Variants in ATF2 observed in about 807,000 individuals in gnomAD.
ATF2 encodes the protein cyclic AMP-dependent transcription factor ATF-2.
In ATF2, 24 loss-of-function variants were observed where a neutral mutation model predicts 60.6. The ratio of observed to expected loss-of-function variants is 0.40; its 90% confidence interval spans 0.29 to 0.56. ATF2 has a LOEUF of 0.56. ATF2 is among the 20% of genes least tolerant of loss of function. The pLI is 0.54. For missense variants in ATF2, 433 were observed against 607.7 expected (o/e 0.71, Z 3.02); for synonymous variants, 206 against 215.4 (o/e 0.96, Z 0.38).
chr2:175,096,024 A>C (rs1228172355), intron 11 of ATF2, among the ~76,000 whole-genome samples: 2 of 152,172 alleles, frequency 1.3e-5, no homozygotes, highest in African/African-American at 4.8e-5. Context: ...CCACAACTAC[A>C]TTTCATTATA....
intron 2 of ATF2, among the ~76,000 whole-genome samples, chr2:175,137,380 A>G (rs1034570413): frequency 6.6e-6 from 1 of 152,166 alleles, no homozygotes; most frequent in Non-Finnish European, 1.5e-5. Flanking sequence ...GAAAAATCCA[A>G]GGAAATCTGT....
rs376278289 is a variant in ATF2 at position 175,114,880 on chromosome 2, T to C, written c.448-12A>G. 4.2e-5 allele frequency: 68 copies of C among 1,604,354 alleles called. No individual in the cohort carries two copies. The highest frequency in any genetic ancestry group is 1.9e-4 in the African/African-American group (14 of 74,644). On this transcript the variant is annotated splice_polypyrimidine_tract_variant and intron_variant, in intron 7 of 13. Coordinates refer to ENST00000264110, the MANE Select transcript of ATF2 (RefSeq NM_001880.4). ...GCCAATGGTACTTCCTATTTAACAATGAGATAAAAAAGGGTGGCATTTAAA... is the reference window on the plus strand; with the variant it reads ...GCCAATGGTACTTCCTATTTAACAACGAGATAAAAAAGGGTGGCATTTAAA...
rs180861958 is a variant in ATF2, at chr2:175,093,238, G to A, written c.1008C>T (p.Thr336=). 25 of 1,613,914 alleles carry A rather than the reference G, an allele frequency of 1.5e-5. No individual in the cohort carries two copies. In the East Asian group the frequency reaches 4.9e-4, roughly 32 times the overall value. ...PASPAHTTPQ[T]QSTSGRRRRA... is the part of the protein sequence containing the mutation. ...TTCTCCGACGACCACTTGTACTTTG[G>A]GTCTGTGGAGTTGTGTGAGCTGGAG... Residue 336 remains threonine, a synonymous_variant, in exon 12 of 14, where the codon ACC becomes ACT. Transcript: ENST00000264110.
At chr2:175,152,352 C>G (rs904647682) in intron 1 of ATF2, among the ~76,000 whole-genome samples, 107 of 152,074 alleles carry the variant, frequency 7.0e-4, no homozygotes, top group Non-Finnish European at 8.8e-4. Context: ...AAGAAACAAC[C>G]TAAATTGTTG....
intron 1 of ATF2, among the ~76,000 whole-genome samples, chr2:175,157,045 T>A (rs1045589414): frequency 1.3e-5 from 2 of 152,190 alleles, no homozygotes; most frequent in Non-Finnish European, 2.9e-5. Flanking sequence ...AAAATTCACA[T>A]AAAGTTTCTA....
intron 13 of ATF2, among the ~76,000 whole-genome samples, chr2:175,077,894 C>T (rs946539315): frequency 6.6e-6 from 1 of 152,142 alleles, no homozygotes; most frequent in African/African-American, 2.4e-5. Flanking sequence ...AGAGCCACTT[C>T]CAGCTCTACC....
At position 175,073,766 on chromosome 2, in the gene ATF2, A is replaced by C. The variant is rs1693096132; in HGVS notation, c.*843T>G. 1 of 151,930 alleles carries C rather than the reference A, an allele frequency of 6.6e-6. No individual in the cohort carries two copies. The highest frequency in any genetic ancestry group is 2.1e-4 in the South Asian group (1 of 4,828). 9.4% of individuals were successfully genotyped at this position (151,930 alleles called of 1,614,324 possible). On this transcript the variant is annotated 3_prime_UTR_variant, in exon 14 of 14. Coordinates refer to ENST00000264110, the MANE Select transcript of ATF2 (RefSeq NM_001880.4). The stretch of plus-strand genomic sequence containing the variant: ...CAGTTTGTAACCTGAAATCTGTAAA[A>C]ACAACAACAAAAAAACCAAAAACAA...
intron 13 of ATF2, 131 bp downstream of exon 13, chr2:175,080,529 C>A (rs1693691187): frequency 1.8e-5 from 12 of 677,354 alleles, no homozygotes; most frequent in Non-Finnish European, 2.9e-5. Context: ...CTATAATAAC[C>A]TTACAGAAAT....
chr2:175,107,723 G>A (rs1006683917), intron 10 of ATF2, among the ~76,000 whole-genome samples: 6 of 152,198 alleles, frequency 3.9e-5, no homozygotes, highest in African/African-American at 7.2e-5. Context: ...GCGCCGCCAC[G>A]CCTGACTGGT....
intron 4 of ATF2, among the ~76,000 whole-genome samples, chr2:175,126,511 T>C (rs891358227): frequency 6.6e-6 from 1 of 152,188 alleles, no homozygotes; most frequent in African/African-American, 2.4e-5. Flanking sequence ...GTAGGAAACC[T>C]AAAAAAATAA....
At chr2:175,118,810 TA>T (rs751298939) in intron 5 of ATF2, among the ~76,000 whole-genome samples, 2 of 151,652 alleles carry the variant, frequency 1.3e-5, no homozygotes, top group Non-Finnish European at 3.0e-5. Flanking sequence ...GTTCATACTC[TA>T]TTATGAAAGC....
intron 3 of ATF2, among the ~76,000 whole-genome samples, chr2:175,130,463 A>G (rs1697652580): frequency 6.6e-6 from 1 of 152,114 alleles, no homozygotes; most frequent in South Asian, 2.1e-4. Flanking sequence ...TCAACAGTGT[A>G]AAAGTACTTA....
chr2:175,156,377 CAAAAA>C (rs57399474), intron 1 of ATF2, among the ~76,000 whole-genome samples: 9 of 56,018 alleles, frequency 1.6e-4, no homozygotes, highest in South Asian at 7.3e-4. Flanking sequence ...TCTCAAAAAA[CAAAAA>C]AAAAAAAAAA....
At position 175,076,556 on chromosome 2, in the gene ATF2, C is replaced by G. The variant is rs1693310281; in HGVS notation, c.1292-1721G>C. On this transcript the variant is annotated intron_variant, in intron 13 of 13. Coordinates refer to ENST00000264110, the MANE Select transcript of ATF2 (RefSeq NM_001880.4). Reference sequence around the variant, plus strand: ...AGGTCGTTTCTCAACTAGTGCCCCTCTCCTTCACCCCCCTACTTTTCTGAT... The same window carrying G: ...AGGTCGTTTCTCAACTAGTGCCCCTGTCCTTCACCCCCCTACTTTTCTGAT... Among the ~76,000 whole-genome samples, 6 of 152,184 alleles carry G rather than the reference C, an allele frequency of 3.9e-5. No homozygotes were observed. In the South Asian group the frequency reaches 1.2e-3, roughly 32 times the overall value.
intron 1 of ATF2, among the ~76,000 whole-genome samples, chr2:175,156,180 G>A (rs1699664648): frequency 6.6e-6 from 1 of 151,930 alleles, no homozygotes; most frequent in South Asian, 2.1e-4. Context: ...AGACCAGCCT[G>A]GCCAACATGG....
At chr2:175,109,188 A>AT (rs1347981512) in intron 10 of ATF2, among the ~76,000 whole-genome samples, 1 of 151,082 alleles carries the variant, frequency 6.6e-6, no homozygotes, top group East Asian at 1.9e-4. Context: ...AAAAAAAAAA[A>AT]AAAAAGACTG....
chr2:175,157,208 C>T (rs143789141), intron 1 of ATF2, among the ~76,000 whole-genome samples: 601 of 152,302 alleles, frequency 3.9e-3, no homozygotes, highest in Non-Finnish European at 7.0e-3. Context: ...ACAGTATTAA[C>T]TCTGAAATCC....
chr2:175,095,374 G>A (rs1240539093), intron 11 of ATF2, among the ~76,000 whole-genome samples: 6 of 152,168 alleles, frequency 3.9e-5, no homozygotes, highest in South Asian at 2.1e-4. Context: ...TTATAGGCGT[G>A]AGCCACAACC....
chr2:175,117,870 T>C, intron 7 of ATF2, 120 bp downstream of exon 7: 2 of 1,143,602 alleles, frequency 1.7e-6, no homozygotes, highest in South Asian at 2.3e-5. Context: ...GGCTTTCACA[T>C]ATAAAACTAT....
Sources: gnomAD v4.1 joint callset for allele counts (sites outside exome capture counted in the v4.1 genomes callset) on GRCh38, gnomAD v4.1.1 for gene constraint, MANE v1.5 for transcripts, NCBI Gene and HGNC (gene_info 2026-07-23, HGNC 2026-07-21) for gene names.